The following MECOM variants were observed in gnomAD, a reference collection of about 807,000 sequenced individuals.
The protein encoded by MECOM is histone-lysine N-methyltransferase MECOM.
A neutral mutation model predicts 116.3 loss-of-function variants in MECOM; 13 were observed. The ratio of observed to expected loss-of-function variants is 0.11; its 90% CI spans 0.07 to 0.18. MECOM has a LOEUF of 0.18. Ranked by LOEUF, MECOM falls within the 10% of genes least tolerant of loss-of-function variation. MECOM has a pLI of 1.00. For synonymous variants in MECOM, 528 were observed against 535.2 expected (o/e 0.99, Z 0.19); for missense variants, 1,299 against 1,509.0 (o/e 0.86, Z 2.31).
rs1159040075 is a variant in MECOM at position 169,412,641 on chromosome 3, C to CT, written c.38-31118dup. ...GTCTCATCTCTTCCCAGTATGAATC[C>CT]TTTAAAAATATTAATTATAATAATG... is the stretch of plus-strand genomic sequence containing the variant. On this transcript the variant is annotated intron_variant, in intron 1 of 16. Coordinates refer to ENST00000651503, the MANE Select transcript of MECOM (RefSeq NM_004991.4). Among the ~76,000 whole-genome samples the CT allele has an allele frequency of 2.8e-4, 43 of 152,098 alleles. No homozygotes were observed. In the South Asian group the frequency reaches 3.1e-3, roughly 11 times the overall value.
intron 1 of MECOM, among the ~76,000 whole-genome samples, chr3:169,590,268 T>C (rs1235943689): frequency 6.6e-6 from 1 of 152,218 alleles, no homozygotes; most frequent in East Asian, 1.9e-4. Context: ...CCTGCTCTTA[T>C]AGGCATGAGG....
At chr3:169,446,880 GGGGTGCACCAAGCTTTA>G (rs1744726638) in intron 1 of MECOM, among the ~76,000 whole-genome samples, 1 of 152,114 alleles carries the variant, frequency 6.6e-6, no homozygotes, top group African/African-American at 2.4e-5. Context: ...GCTTGTTCAG[GGGGTGCACCAAGCTTTA>G]GGCACTCCCT....
In MECOM at chr3:169,663,486, CTCTCTCT is replaced by C. The variant is rs1776599605; in HGVS notation, c.-121_-115del. 1 of 281,724 alleles carries C rather than the reference CTCTCTCT, an allele frequency of 3.5e-6. No individual in the cohort carries two copies. Among genetic ancestry groups the C allele is most frequent in the Non-Finnish European group, 6.5e-6 (1 of 154,868 alleles). 17.5% of individuals were successfully genotyped at this position (281,724 alleles called of 1,614,324 possible). A position where few individuals can be genotyped will look rare whatever the true frequency, so the allele number is the denominator to read the frequency against. The stretch of plus-strand genomic sequence containing the variant: ...CCCTCTCTCTCCTGTCTCTCTCTCT[CTCTCTCT>C]CTCTCTCTCTCTCTCTCTCTCTCTC... On this transcript the variant is annotated 5_prime_UTR_variant, in exon 1 of 17. Coordinates refer to ENST00000651503, the MANE Select transcript of MECOM (RefSeq NM_004991.4).
chr3:169,571,665 C>T (rs907943248), intron 1 of MECOM, among the ~76,000 whole-genome samples: 2 of 152,136 alleles, frequency 1.3e-5, no homozygotes, highest in Admixed American at 6.5e-5. Context: ...TGGAACAGAA[C>T]AGAGGCCTCA....
At chr3:169,539,118 T>C (rs2109213618) in intron 1 of MECOM, among the ~76,000 whole-genome samples, 1 of 152,182 alleles carries the variant, frequency 6.6e-6, no homozygotes, top group African/African-American at 2.4e-5. Flanking sequence ...CAGGAAAATA[T>C]AGAATAGCTC....
intron 2 of MECOM, among the ~76,000 whole-genome samples, chr3:169,196,873 TGCAGCACTATTCACATTA>T (rs1748473676): frequency 6.6e-6 from 1 of 152,062 alleles, no homozygotes; most frequent in African/African-American, 2.4e-5. Flanking sequence ...GTATTTTAAT[TGCAGCACTATTCACATTA>T]GCAAAATCAT....
chr3:169,455,495 A>G (rs1368441702), intron 1 of MECOM, among the ~76,000 whole-genome samples: 1 of 152,202 alleles, frequency 6.6e-6, no homozygotes, highest in Non-Finnish European at 1.5e-5. Context: ...GTTAAAAGGT[A>G]AAGATTACTA....
At chr3:169,316,327 A>C (rs1719738778) in intron 2 of MECOM, among the ~76,000 whole-genome samples, 1 of 152,248 alleles carries the variant, frequency 6.6e-6, no homozygotes, top group East Asian at 1.9e-4. Context: ...ATAAAAGAAC[A>C]GTATCTATAA....
chr3:169,209,336 A>T (rs972197151), intron 2 of MECOM, among the ~76,000 whole-genome samples: 4 of 152,200 alleles, frequency 2.6e-5, no homozygotes, highest in Admixed American at 2.0e-4. Flanking sequence ...AATTGCAAAA[A>T]AAGCCAAAAT....
intron 12 of MECOM, among the ~76,000 whole-genome samples, chr3:169,097,178 T>C (rs559141346): frequency 6.6e-6 from 1 of 152,184 alleles, no homozygotes; most frequent in South Asian, 2.1e-4. Context: ...ACACAAATCA[T>C]GAGGAAGAGA....
intron 4 of MECOM, 140 bp downstream of exon 4, chr3:169,131,289 G>T: frequency 1.4e-6 from 1 of 720,168 alleles, no homozygotes; most frequent in African/African-American, 1.8e-5. Flanking sequence ...GAAAATAGCT[G>T]CTTCAAGAGA....
chr3:169,172,432 T>TGTGG (rs2149374853), intron 2 of MECOM, among the ~76,000 whole-genome samples: 1 of 151,832 alleles, frequency 6.6e-6, no homozygotes, highest in Admixed American at 6.6e-5. Context: ...TGTGTGTGTG[T>TGTGG]GTGTGTGTGT....
intron 1 of MECOM, among the ~76,000 whole-genome samples, chr3:169,524,717 C>T (rs542770608): frequency 6.6e-6 from 1 of 152,296 alleles, no homozygotes; most frequent in South Asian, 2.1e-4. Flanking sequence ...CTCATGGCCT[C>T]TCTTGCTTTA....
intron 4 of MECOM, among the ~76,000 whole-genome samples, chr3:169,129,170 G>C (rs967490702): frequency 6.6e-6 from 1 of 152,076 alleles, no homozygotes; most frequent in Admixed American, 6.6e-5. Flanking sequence ...GCCAGGTGAA[G>C]TGGAAGGAGG....
intron 1 of MECOM, among the ~76,000 whole-genome samples, chr3:169,434,609 T>C (rs1460733498): frequency 1.3e-5 from 2 of 152,162 alleles, no homozygotes. Flanking sequence ...AGCAAGTGTC[T>C]GTACATAAAG....
At chr3:169,382,879 A>AAAAAAAAAAAAAAAAAAAAAAAAGAAG (rs1358767356) in intron 1 of MECOM, among the ~76,000 whole-genome samples, 25 of 138,538 alleles carry the variant, frequency 1.8e-4, no homozygotes, top group South Asian at 4.8e-4. Context: ...AAAAATAAAA[A>AAAAAAAAAAAAAAAAAAAAAAAAGAAG]AAGAAGGTAA....
chr3:169,458,644 T>C (rs529796482), intron 1 of MECOM, among the ~76,000 whole-genome samples: 1 of 152,338 alleles, frequency 6.6e-6, no homozygotes, highest in South Asian at 2.1e-4. Context: ...TTCATTTTTA[T>C]ATCTCACTCA....
intron 1 of MECOM, among the ~76,000 whole-genome samples, chr3:169,571,784 G>C (rs996920265): frequency 4.6e-5 from 7 of 152,048 alleles, no homozygotes; most frequent in African/African-American, 1.4e-4. Context: ...AAACTGGCTA[G>C]CCGTGCAGAA....
chr3:169,511,789 A>G (rs1756002539), intron 1 of MECOM, among the ~76,000 whole-genome samples: 1 of 152,088 alleles, frequency 6.6e-6, no homozygotes, highest in Non-Finnish European at 1.5e-5. Flanking sequence ...AGCACAAAAA[A>G]AAATTTTTTT....
Sources: allele counts gnomAD v4.1 joint callset (sites outside exome capture counted in the v4.1 genomes callset), GRCh38; gene constraint gnomAD v4.1.1; transcripts MANE v1.5; gene names NCBI Gene and HGNC (gene_info 2026-07-23, HGNC 2026-07-21).